Variants in VPS13B observed in about 807,000 individuals in gnomAD.
VPS13B encodes intermembrane lipid transfer protein VPS13B.
Under a neutral mutation model 426.4 loss-of-function variants are expected in VPS13B, and 285 were observed. The observed-to-expected ratio is 0.67, with a 90% confidence interval of 0.61 to 0.74. The LOEUF (loss-of-function observed/expected upper bound fraction) is 0.74, where lower values mean the gene tolerates loss of function less well. VPS13B is among the 30% of genes least tolerant of loss of function. The pLI, the probability that VPS13B is intolerant of heterozygous loss-of-function variation, is 0.00. For synonymous variants in VPS13B, 1,676 were observed against 1,676.4 expected (o/e 1.00, Z 0.01); for missense variants, 4,537 against 4,782.6 (o/e 0.95, Z 1.51).
At chr8:99,733,441 C>T (rs1012322237) in intron 39 of VPS13B, among the ~76,000 whole-genome samples, 3 of 152,064 alleles carry the variant, frequency 2.0e-5, no homozygotes, top group African/African-American at 7.2e-5. Flanking sequence ...ATAGCTCATG[C>T]CTCATTCAGT....
intron 2 of VPS13B, among the ~76,000 whole-genome samples, chr8:99,016,656 ATC>A (rs1453052734): frequency 7.6e-6 from 1 of 131,126 alleles, no homozygotes; most frequent in Admixed American, 9.6e-5. Context: ...CAGTGGTGCG[ATC>A]TCGGCTCACT....
intron 33 of VPS13B, among the ~76,000 whole-genome samples, chr8:99,604,187 T>C (rs1252785954): frequency 6.6e-6 from 1 of 152,138 alleles, no homozygotes; most frequent in African/African-American, 2.4e-5. Context: ...ATTTTTAATA[T>C]TAGAATGGTC....
intron 44 of VPS13B, among the ~76,000 whole-genome samples, chr8:99,812,501 C>T (rs970733011): frequency 1.3e-5 from 2 of 152,154 alleles, no homozygotes; most frequent in African/African-American, 4.8e-5. Context: ...CACCTTAACA[C>T]CCCCTGGATA....
intron 33 of VPS13B, among the ~76,000 whole-genome samples, chr8:99,594,493 C>T (rs1826890272): frequency 6.6e-6 from 1 of 152,002 alleles, no homozygotes; most frequent in African/African-American, 2.4e-5. Context: ...TAATTTTCAT[C>T]TCTTTTTCTA....
intron 17 of VPS13B, among the ~76,000 whole-genome samples, chr8:99,202,566 A>G (rs1289229355): frequency 1.3e-5 from 2 of 152,224 alleles, no homozygotes; most frequent in Non-Finnish European, 2.9e-5. Context: ...CAGCCTACCA[A>G]TCAAAAAAAG....
At chr8:99,554,879 C>T (rs181072300) in intron 30 of VPS13B, among the ~76,000 whole-genome samples, 3 of 152,208 alleles carry the variant, frequency 2.0e-5, no homozygotes, top group Admixed American at 6.5e-5. Context: ...TAATGGCCCA[C>T]TTATGAGCCC....
intron 2 of VPS13B, among the ~76,000 whole-genome samples, chr8:99,022,437 CTTTCTG>C (rs139056587): frequency 0.049 from 7,462 of 152,028 alleles, 204 homozygotes; most frequent in African/African-American, 0.071. Context: ...TATTAATTAT[CTTTCTG>C]TTACTGATTT....
chr8:99,071,995 A>T (rs895336728), intron 3 of VPS13B, among the ~76,000 whole-genome samples: 9 of 151,878 alleles, frequency 5.9e-5, no homozygotes, highest in African/African-American at 1.9e-4. Context: ...GGCCCAGGAC[A>T]GACCCAGAAA....
At chr8:99,254,935 G>A (rs1817672515) in intron 17 of VPS13B, among the ~76,000 whole-genome samples, 2 of 152,112 alleles carry the variant, frequency 1.3e-5, no homozygotes, top group Non-Finnish European at 2.9e-5. Flanking sequence ...ACTCTTTTTT[G>A]AAGTACATTT....
At chr8:99,263,214 A>G (rs1422420909) in intron 17 of VPS13B, among the ~76,000 whole-genome samples, 3 of 152,114 alleles carry the variant, frequency 2.0e-5, no homozygotes, top group Admixed American at 6.6e-5. Context: ...CTAAATTTCT[A>G]TATAGTAGTC....
chr8:99,618,342 G>A (rs78155970), intron 33 of VPS13B, among the ~76,000 whole-genome samples: 2,113 of 151,304 alleles, frequency 0.014, 49 homozygotes, highest in African/African-American at 0.047. Flanking sequence ...GGAGTTTTCA[G>A]GTTTAGAAAC....
At chr8:99,291,890 T>C (rs1563650430) in intron 19 of VPS13B, among the ~76,000 whole-genome samples, 1 of 152,132 alleles carries the variant, frequency 6.6e-6, no homozygotes, top group Non-Finnish European at 1.5e-5. Flanking sequence ...AATATATAAT[T>C]GTTGTTAAAA....
intron 30 of VPS13B, chr8:99,528,030 A>T (rs1003129781): frequency 3.9e-5 from 6 of 152,084 alleles, no homozygotes; most frequent in African/African-American, 1.4e-4. Flanking sequence ...TCTATACCTT[A>T]TTAACTATAG....
intron 3 of VPS13B, among the ~76,000 whole-genome samples, chr8:99,066,165 T>C (rs1256644146): frequency 6.6e-6 from 1 of 152,230 alleles, no homozygotes; most frequent in Admixed American, 6.5e-5. Flanking sequence ...AAAGTTCATA[T>C]GGAACCAAAA....
intron 3 of VPS13B, among the ~76,000 whole-genome samples, chr8:99,080,696 G>T (rs1685731635): frequency 6.6e-6 from 1 of 152,184 alleles, no homozygotes; most frequent in Non-Finnish European, 1.5e-5. Context: ...GTATCTCTGA[G>T]AATCCTAAAC....
chr8:99,614,381 G>A (rs896855562), intron 33 of VPS13B, among the ~76,000 whole-genome samples: 2 of 151,956 alleles, frequency 1.3e-5, no homozygotes, highest in African/African-American at 2.4e-5. Flanking sequence ...GGGTTCAAGC[G>A]ATTCTCCTGC....
rs545799534 is a variant in VPS13B at position 99,486,175 on chromosome 8, T to C, written c.3870+4373T>C. 4.6e-5 allele frequency among the ~76,000 whole-genome samples: 7 copies of C among 152,194 alleles called. No homozygotes were observed. In the South Asian group the frequency reaches 1.0e-3, roughly 23 times the overall value. On this transcript the variant is annotated intron_variant, in intron 25 of 61. Coordinates refer to ENST00000357162, the MANE Select transcript of VPS13B (RefSeq NM_152564.5). Reference sequence around the variant, plus strand: ...TCTTTATCAACAAGGGTTTGTCTTATCATATAAGTAGTATGCACGACGTCC... The same window carrying C: ...TCTTTATCAACAAGGGTTTGTCTTACCATATAAGTAGTATGCACGACGTCC...
Position 99,876,170 on chromosome 8 carries a change from G to T in VPS13B, c.*504G>T. On this transcript the variant is annotated 3_prime_UTR_variant, in exon 62 of 62. Transcript: ENST00000357162. The stretch of plus-strand genomic sequence containing the variant: ...AGAGCCAGAGTTAAAACTTCAAGTT[G>T]CATCTGTTTTTGGGCTGAGTCACCA... 5.9e-6 allele frequency: 1 copy of T among 169,082 alleles called. No homozygotes were observed. The highest frequency in any genetic ancestry group is 1.3e-5 in the Non-Finnish European group (1 of 77,230). The allele number at this position is 169,082 out of a possible 1,614,324, so 10.5% of individuals were successfully genotyped here. A position where few individuals can be genotyped will look rare whatever the true frequency, so the allele number is the denominator to read the frequency against.
intron 15 of VPS13B, among the ~76,000 whole-genome samples, chr8:99,159,538 C>T (rs1313492404): frequency 6.6e-6 from 1 of 152,184 alleles, no homozygotes; most frequent in Admixed American, 6.5e-5. Context: ...GAAATTGCTG[C>T]AGCTAGCCCC....
Sources: gnomAD v4.1 joint callset for allele counts (sites outside exome capture counted in the v4.1 genomes callset) on GRCh38, gnomAD v4.1.1 for gene constraint, MANE v1.5 for transcripts, NCBI Gene and HGNC (gene_info 2026-07-23, HGNC 2026-07-21) for gene names.